The following FSIP1 variants were observed in gnomAD, a reference collection of about 807,000 sequenced individuals.
FSIP1 encodes fibrous sheath-interacting protein 1.
In FSIP1, 65 loss-of-function variants were observed where a neutral mutation model predicts 60.9. The observed-to-expected ratio is 1.07, with a 90% CI of 0.87 to 1.31. The LOEUF (loss-of-function observed/expected upper bound fraction) is 1.31, where lower values mean the gene tolerates loss of function less well. FSIP1 is among the 40% of genes most tolerant of loss of function. The probability of loss-of-function intolerance (pLI) is 0.00; values close to 1 mark genes in which losing one functional copy is unlikely to be tolerated. For synonymous variants in FSIP1, 209 were observed against 221.2 expected, an observed-to-expected ratio of 0.94 and a Z score of 0.49; for missense variants, 675 against 665.5, an observed-to-expected ratio of 1.01 and a Z score of -0.16.
At chr15:39,699,810 A>G (rs536315117) in intron 10 of FSIP1, among the ~76,000 whole-genome samples, 9 of 152,320 alleles carry the variant, frequency 5.9e-5, no homozygotes, top group African/African-American at 2.2e-4. Flanking sequence ...GTTGTTGCTA[A>G]TAAGAACCAC....
chr15:39,618,101 A>G lies in FSIP1; in HGVS notation c.1333T>C (p.Ser445Pro), dbSNP rs1426657532. The G allele has an allele frequency of 6.2e-7, 1 of 1,614,160 alleles. No individual in the cohort carries two copies. The highest frequency in any genetic ancestry group is 8.5e-7 in the Non-Finnish European group (1 of 1,180,022). The change falls in exon 11 of 12, where the codon TCC becomes CCC. Residue 445 changes from serine (S) to proline (P), a missense_variant. By Grantham distance (74) the Ser-to-Pro change is moderately conservative. Coordinates refer to ENST00000350221, the MANE Select transcript of FSIP1 (RefSeq NM_152597.5). ...AGCAATTTAGAGATGATGGACCTGGAAAGCTGGGGGAACACAGGTGTTACG... is the reference window on the plus strand; with the variant it reads ...AGCAATTTAGAGATGATGGACCTGGGAAGCTGGGGGAACACAGGTGTTACG... ...EDVTPVFPQLSRSIISKLLNE... is the reference protein window; with the variant it reads ...EDVTPVFPQLPRSIISKLLNE...
chr15:39,765,519 C>T, intron 4 of FSIP1, 73 bp downstream of exon 4: 3 of 1,150,032 alleles, frequency 2.6e-6, no homozygotes, highest in Non-Finnish European at 3.7e-6. Flanking sequence ...GCTGGGATTA[C>T]AGGTGTGAGC....
chr15:39,725,143 A>C (rs1896138552), intron 9 of FSIP1, among the ~76,000 whole-genome samples: 1 of 152,166 alleles, frequency 6.6e-6, no homozygotes, highest in Non-Finnish European at 1.5e-5. Flanking sequence ...AGGCAGGAGA[A>C]TCACTTGAAC....
rs138025846 is a variant in FSIP1, at chr15:39,621,855, A to G, written c.1189-3610T>C. 1.6e-4 allele frequency among the ~76,000 whole-genome samples: 24 copies of G among 152,358 alleles called. No individual in the cohort carries two copies. The East Asian group carries it at 4.6e-3, about 29-fold the overall frequency. On this transcript the variant is annotated intron_variant, in intron 10 of 11. Coordinates refer to ENST00000350221, the MANE Select transcript of FSIP1 (RefSeq NM_152597.5). ...GGGTGCAATACAGATTGGAAACTTC[A>G]ACACGACCCATCTTTCTCATCTTTT...
chr15:39,774,845 G>T (rs1898000280), intron 2 of FSIP1, among the ~76,000 whole-genome samples: 2 of 152,204 alleles, frequency 1.3e-5, no homozygotes, highest in Admixed American at 6.5e-5. Context: ...GGGACTTGTG[G>T]CAGTGGCGGA....
chr15:39,716,429 G>A (rs1425178678), intron 9 of FSIP1, among the ~76,000 whole-genome samples: 2 of 152,146 alleles, frequency 1.3e-5, no homozygotes, highest in African/African-American at 4.8e-5. Flanking sequence ...ACCACCAACT[G>A]AGAGAAAATG....
chr15:39,767,077 T>C (rs1897716572), intron 3 of FSIP1, among the ~76,000 whole-genome samples: 1 of 152,140 alleles, frequency 6.6e-6, no homozygotes, highest in African/African-American at 2.4e-5. Flanking sequence ...TTTAAACTCC[T>C]GGGCTTAAGT....
At chr15:39,664,001 C>T (rs1893399963) in intron 10 of FSIP1, among the ~76,000 whole-genome samples, 1 of 152,060 alleles carries the variant, frequency 6.6e-6, no homozygotes, top group African/African-American at 2.4e-5. Context: ...GAATTGAAAA[C>T]ATTAAAGGGC....
chr15:39,703,168 G>A (rs1192637258), intron 10 of FSIP1, among the ~76,000 whole-genome samples: 5 of 151,982 alleles, frequency 3.3e-5, no homozygotes, highest in Admixed American at 2.6e-4. Context: ...TTTTAGTAGC[G>A]ATGAGGTTTT....
intron 10 of FSIP1, among the ~76,000 whole-genome samples, chr15:39,664,188 A>C (rs1354339723): frequency 6.6e-6 from 1 of 152,204 alleles, no homozygotes; most frequent in African/African-American, 2.4e-5. Context: ...GTTTCACCTA[A>C]GGTAATTTAT....
At chr15:39,613,937 A>G (rs1263957816) in intron 11 of FSIP1, among the ~76,000 whole-genome samples, 1 of 152,258 alleles carries the variant, frequency 6.6e-6, no homozygotes, top group Admixed American at 6.5e-5. Context: ...CAGATTAGGT[A>G]TAGAGGTAAA....
chr15:39,656,656 G>T (rs1449830516), intron 10 of FSIP1, among the ~76,000 whole-genome samples: 1 of 152,172 alleles, frequency 6.6e-6, no homozygotes, highest in East Asian at 1.9e-4. Flanking sequence ...ACAATTATGT[G>T]GAAAGCACTC....
At chr15:39,745,449 C>T (rs1896961798) in intron 5 of FSIP1, among the ~76,000 whole-genome samples, 1 of 152,138 alleles carries the variant, frequency 6.6e-6, no homozygotes, top group South Asian at 2.1e-4. Flanking sequence ...TATTAAAACT[C>T]ACATAAATGT....
chr15:39,608,942 C>A (rs1331487660), intron 11 of FSIP1, among the ~76,000 whole-genome samples: 1 of 152,120 alleles, frequency 6.6e-6, no homozygotes, highest in African/African-American at 2.4e-5. Flanking sequence ...TCCCCCAAAC[C>A]CTGCCACACC....
At chr15:39,659,096 T>C (rs1293910329) in intron 10 of FSIP1, among the ~76,000 whole-genome samples, 4 of 152,194 alleles carry the variant, frequency 2.6e-5, no homozygotes, top group African/African-American at 9.7e-5. Context: ...ATATGAAATG[T>C]CCAGGCTATG....
rs1461871632 is a variant in FSIP1, at chr15:39,687,136, CCTTTTTT to C, written c.1188+26301_1188+26307del. ...CACCTTTCTTTCTTTCTTTTCTTTT[CCTTTTTT>C]TTTTTTTTTTTTTTTTTTTTTTGAG... On this transcript the variant is annotated intron_variant, in intron 10 of 11. Transcript: ENST00000350221. Among the ~76,000 whole-genome samples the C allele has an allele frequency of 1.4e-3, 66 of 47,702 alleles. 4 individuals carry two copies. The highest frequency in any genetic ancestry group is 4.1e-3 in the Admixed American group (14 of 3,428). The allele number at this position is 47,702 out of a possible 152,430, so 31.3% of individuals were successfully genotyped here.
chr15:39,724,696 T>C (rs1887604858), intron 9 of FSIP1, among the ~76,000 whole-genome samples: 1 of 152,320 alleles, frequency 6.6e-6, no homozygotes, highest in South Asian at 2.1e-4. Context: ...GATGGCTATA[T>C]CAGTGCCTCG....
chr15:39,782,010 T>C (rs151308761), intron 1 of FSIP1, among the ~76,000 whole-genome samples: 6 of 152,356 alleles, frequency 3.9e-5, no homozygotes. Flanking sequence ...CAATCTTTCT[T>C]TAGTTATGCT....
chr15:39,747,021 C>CTCCTTCCA (rs758608863), intron 5 of FSIP1, among the ~76,000 whole-genome samples: 30 of 138,814 alleles, frequency 2.2e-4, no homozygotes, highest in African/African-American at 6.2e-4. Flanking sequence ...CCCTCCTTCC[C>CTCCTTCCA]TCCTTCCCTC....
Sources: allele counts gnomAD v4.1 joint callset (sites outside exome capture counted in the v4.1 genomes callset), GRCh38; gene constraint gnomAD v4.1.1; transcripts MANE v1.5; gene names NCBI Gene and HGNC (gene_info 2026-07-23, HGNC 2026-07-21).